The following FER1L5 variants were observed in gnomAD, a reference collection of about 807,000 sequenced individuals.
FER1L5 encodes fer-1-like protein 5.
In FER1L5, 187 loss-of-function variants were observed where a neutral mutation model predicts 279.9. That is an observed-to-expected ratio of 0.67 (90% CI 0.59 to 0.75). FER1L5 has a LOEUF of 0.75. Among genes scored for constraint, FER1L5 ranks in the 30% least tolerant of loss-of-function variants. FER1L5 has a pLI of 0.00. For missense variants in FER1L5, 2,091 were observed against 2,594.4 expected, an observed-to-expected ratio of 0.81 and a Z score of 4.21; for synonymous variants, 921 against 989.7, an observed-to-expected ratio of 0.93 and a Z score of 1.30.
chr2:96,667,178 C>G (rs981384671), intron 14 of FER1L5, among the ~76,000 whole-genome samples: 1 of 152,074 alleles, frequency 6.6e-6, no homozygotes, highest in Non-Finnish European at 1.5e-5. Flanking sequence ...ATGAGAACTT[C>G]AGGAACTCAA....
intron 12 of FER1L5, 89 bp from the exon 13 acceptor site, chr2:96,662,126 G>A: frequency 7.6e-7 from 1 of 1,322,724 alleles, no homozygotes; most frequent in Non-Finnish European, 1.1e-6. Flanking sequence ...AAATTATAGG[G>A]GAGGGTTTTC....
chr2:96,669,833 G>A (rs748956691), intron 17 of FER1L5, among the ~76,000 whole-genome samples: 1 of 152,146 alleles, frequency 6.6e-6, no homozygotes, highest in South Asian at 2.1e-4. Flanking sequence ...TTGGCCAGGC[G>A]GGTAGTGCAA....
In FER1L5 at chr2:96,677,297, C is replaced by G. The variant is rs1207524937; in HGVS notation, c.1669+4043C>G. Among the ~76,000 whole-genome samples the G allele has an allele frequency of 2.0e-5, 3 of 152,160 alleles. 1 individual carries two copies. Among genetic ancestry groups the G allele is most frequent in the African/African-American group, 4.8e-5 (2 of 41,418 alleles). ...TTGCTTTGTAGTGACTCCCCTGTCCCCACCCCCAGGTCCACACAACTATTA... is the reference window on the plus strand; with the variant it reads ...TTGCTTTGTAGTGACTCCCCTGTCCGCACCCCCAGGTCCACACAACTATTA... On this transcript the variant is annotated intron_variant, in intron 19 of 52. Coordinates refer to ENST00000624922, the MANE Select transcript of FER1L5 (RefSeq NM_001293083.2).
chr2:96,679,377 CCA>C (rs961358082), intron 19 of FER1L5, among the ~76,000 whole-genome samples: 2 of 152,176 alleles, frequency 1.3e-5, no homozygotes, highest in African/African-American at 4.8e-5. Flanking sequence ...GCGCGTGTCA[CCA>C]CGCCCAGCTA....
chr2:96,662,340 T>G, intron 13 of FER1L5, 73 bp downstream of exon 13: 8 of 1,397,098 alleles, frequency 5.7e-6, no homozygotes, highest in Non-Finnish European at 7.9e-6. Context: ...GAGGGTGGCC[T>G]GGTGGGCAAG....
chr2:96,691,388 G>C lies in FER1L5; in HGVS notation c.2907+35G>C, dbSNP rs765846923. The C allele has an allele frequency of 1.5e-5, 23 of 1,539,738 alleles. No homozygotes were observed. In the South Asian group the frequency reaches 2.0e-4, roughly 14 times the overall value. ...CGACGGGCGCCCTGGCTGGGACTGC[G>C]GGCAGGGCCGCCTTGGCTGCTGCAG... is the stretch of plus-strand genomic sequence containing the variant. On this transcript the variant is annotated intron_variant, in intron 28 of 52. Transcript: ENST00000624922. This position sits in a 1 kb window ranked among gnomAD's most constrained non-coding sequence, Gnocchi z 6.0.
intron 18 of FER1L5, 73 bp downstream of exon 18, chr2:96,670,320 T>TGGATCTAC: frequency 6.5e-7 from 1 of 1,531,690 alleles, no homozygotes; most frequent in Non-Finnish European, 8.8e-7. Flanking sequence ...TGGATCCCAG[T>TGGATCTAC]TTCTGACCGT....
intron 4 of FER1L5, among the ~76,000 whole-genome samples, chr2:96,648,894 C>T (rs531316107): frequency 6.6e-6 from 1 of 152,322 alleles, no homozygotes; most frequent in South Asian, 2.1e-4. Context: ...AAAGTCAAGG[C>T]ACATTCAGTC....
At position 96,699,951 on chromosome 2, in the gene FER1L5, C is replaced by T. The variant is rs760818257; in HGVS notation, c.4801C>T (p.Arg1601Trp). ...CCACAGGTCAGGGCCCTTTAGATGG[C>T]GGGATCAGATGCCCCCAAGCTACCT... ...SYCQSGPFRW[R>W]DQMPPSYLLE... Residue 1601 changes from arginine (R) to tryptophan (W), a missense_variant, in exon 44 of 53, where the codon CGG (arginine) becomes TGG (tryptophan). Transcript: ENST00000624922. 4.2e-5 allele frequency: 67 copies of T among 1,613,714 alleles called. No individual in the cohort carries two copies. Among genetic ancestry groups the T allele is most frequent in the East Asian group, 2.0e-4 (9 of 44,894 alleles).
chr2:96,660,267 G>A, intron 9 of FER1L5, 74 bp from the exon 10 acceptor site: 1 of 1,482,474 alleles, frequency 6.7e-7, no homozygotes. Flanking sequence ...GCTAGCAGTT[G>A]GGTCAGGTTA....
At chr2:96,678,138 T>A (rs982256267) in intron 19 of FER1L5, among the ~76,000 whole-genome samples, 3 of 152,076 alleles carry the variant, frequency 2.0e-5, no homozygotes, top group Non-Finnish European at 4.4e-5. Context: ...ATTGATTTAT[T>A]TTTTGAGACC....
In FER1L5 at chr2:96,694,460, T is replaced by C. The variant is rs1388067560; in HGVS notation, c.3737T>C (p.Ile1246Thr). ...CAGCCCACGATAAAGAGGATGGCCA[T>C]TGAGGTGCTGGCGATGTGGGATGGG... ...SIQPTIKRMAIEILAWGLRNM... is the reference protein window; with the variant it reads ...SIQPTIKRMATEILAWGLRNM... The change falls in exon 34 of 53, where the codon ATT becomes ACT. Residue 1246 changes from isoleucine to threonine, a missense_variant. Coordinates refer to ENST00000624922, the MANE Select transcript of FER1L5 (RefSeq NM_001293083.2). This position sits in a 1 kb window ranked among gnomAD's most constrained non-coding sequence, Gnocchi z 4.6. The C allele has an allele frequency of 2.6e-6, 4 of 1,542,834 alleles. No individual in the cohort carries two copies. Among genetic ancestry groups the C allele is most frequent in the East Asian group, 2.5e-5 (1 of 40,604 alleles).
At chr2:96,682,031 C>A (rs1446477839) in intron 19 of FER1L5, among the ~76,000 whole-genome samples, 2 of 151,854 alleles carry the variant, frequency 1.3e-5, no homozygotes, top group African/African-American at 4.8e-5. Flanking sequence ...GGTAATCTGC[C>A]CACCTCGGCC....
rs1573816278 is a variant in FER1L5 at position 96,659,366 on chromosome 2, T to TTCC, written c.748-974_748-973insCCT. On this transcript the variant is annotated intron_variant, in intron 9 of 52. Transcript: ENST00000624922. ...CCTTCCTTCCTTCCTTCCTTCCTTC[T>TTCC]TTCTTTCTTTCTTTCTTTCTTTCTT... Among the ~76,000 whole-genome samples, 65 of 15,550 alleles carry TTCC rather than the reference T, an allele frequency of 4.2e-3. 3 individuals are homozygous for TTCC. The highest frequency in any genetic ancestry group is 6.3e-3 in the South Asian group (1 of 160). The allele number at this position is 15,550 out of a possible 152,430, so 10.2% of individuals were successfully genotyped here.
Position 96,690,597 on chromosome 2 carries a change from G to T in FER1L5, c.2743+8G>T, listed in dbSNP as rs775102308. 1.3e-6 allele frequency: 2 copies of T among 1,550,800 alleles called. No individual in the cohort carries two copies. The highest frequency in any genetic ancestry group is 3.9e-5 in the Admixed American group (2 of 50,996). ...ACGCAGTGGACAGTAAGGGTCAGTC[G>T]TTTGGTCAGGGTTGGGATCGGGAGA... On this transcript the variant is annotated splice_region_variant and intron_variant, in intron 27 of 52. Transcript: ENST00000624922.
intron 1 of FER1L5, among the ~76,000 whole-genome samples, chr2:96,644,066 G>A (rs1470298561): frequency 6.6e-6 from 1 of 151,714 alleles, no homozygotes; most frequent in South Asian, 2.1e-4. Flanking sequence ...CAGCTACTTG[G>A]GAGGCTGAGG....
chr2:96,698,551 T>A lies in FER1L5; in HGVS notation c.4357-120T>A, dbSNP rs2077468085. On this transcript the variant is annotated intron_variant, in intron 40 of 52. Coordinates refer to ENST00000624922, the MANE Select transcript of FER1L5 (RefSeq NM_001293083.2). This position sits in a 1 kb window ranked among gnomAD's most constrained non-coding sequence, Gnocchi z 5.5. ...CCTCCACTGTCCTCATGGCCTTCTATCCCTGCCACCCTCAGCCCAACCCTC... is the reference window on the plus strand; with the variant it reads ...CCTCCACTGTCCTCATGGCCTTCTAACCCTGCCACCCTCAGCCCAACCCTC... The A allele has an allele frequency of 4.8e-6, 4 of 839,830 alleles. No homozygotes were observed. The highest frequency in any genetic ancestry group is 2.5e-5 in the Admixed American group (1 of 39,956). The allele number at this position is 839,830 out of a possible 1,614,324, so 52.0% of individuals were successfully genotyped here. A position where few individuals can be genotyped will look rare whatever the true frequency, so the allele number is the denominator to read the frequency against.
intron 8 of FER1L5, chr2:96,654,014 A>C: frequency 2.5e-6 from 1 of 396,862 alleles, no homozygotes. Flanking sequence ...TCCCTAACCA[A>C]AGGGAGCCAG....
chr2:96,688,737 G>A (rs971414843), intron 24 of FER1L5, among the ~76,000 whole-genome samples: 6 of 152,048 alleles, frequency 3.9e-5, no homozygotes, highest in Non-Finnish European at 8.8e-5. Flanking sequence ...AGGGAGCAGG[G>A]CCTGCATGCT....
Sources: allele counts gnomAD v4.1 joint callset (sites outside exome capture counted in the v4.1 genomes callset), GRCh38; gene constraint gnomAD v4.1.1; non-coding constraint Gnocchi (gnomAD v3.1); transcripts MANE v1.5; gene names NCBI Gene and HGNC (gene_info 2026-07-23, HGNC 2026-07-21).